The following AFF3 variants were observed in gnomAD, a reference collection of about 807,000 sequenced individuals.
The protein encoded by AFF3 is ALF transcription elongation factor 3, also known as AF4/FMR2 family member 3.
Under a neutral mutation model 129.7 loss-of-function variants are expected in AFF3, and 32 were observed. The observed-to-expected ratio is 0.25, with a 90% confidence interval of 0.19 to 0.33. AFF3 has a LOEUF of 0.33. Ranked by LOEUF, AFF3 falls within the 10% of genes least tolerant of loss-of-function variation. The probability of loss-of-function intolerance (pLI) is 1.00; values close to 1 mark genes in which losing one functional copy is unlikely to be tolerated. For missense variants in AFF3, 1,373 were observed against 1,592.0 expected, an observed-to-expected ratio of 0.86 and a Z score of 2.34; for synonymous variants, 644 against 635.4, an observed-to-expected ratio of 1.01 and a Z score of -0.20.
At chr2:99,948,472 A>G (rs1675842561) in intron 7 of AFF3, among the ~76,000 whole-genome samples, 1 of 152,144 alleles carries the variant, frequency 6.6e-6, no homozygotes, top group Admixed American at 6.5e-5. Context: ...TAGCATGAAT[A>G]ATTTTCTTTG....
intron 7 of AFF3, among the ~76,000 whole-genome samples, chr2:99,916,052 T>C (rs376758814): frequency 2.0e-5 from 3 of 152,308 alleles, no homozygotes; most frequent in African/African-American, 7.2e-5. Flanking sequence ...CTGAACTAGA[T>C]GGATCTTTTC....
intron 8 of AFF3, among the ~76,000 whole-genome samples, chr2:99,767,909 C>T (rs1429051411): frequency 6.6e-6 from 1 of 152,192 alleles, no homozygotes; most frequent in Non-Finnish European, 1.5e-5. Flanking sequence ...TGCGCCATTG[C>T]ACTCCTCGAG....
chr2:99,747,037 A>G (rs1186511777), intron 9 of AFF3, among the ~76,000 whole-genome samples: 1 of 151,564 alleles, frequency 6.6e-6, no homozygotes, highest in Non-Finnish European at 1.5e-5. Context: ...TTACTTATTT[A>G]TTTATTTAGA....
intron 8 of AFF3, among the ~76,000 whole-genome samples, chr2:99,759,385 T>G (rs1315092194): frequency 6.6e-6 from 1 of 152,212 alleles, no homozygotes; most frequent in Non-Finnish European, 1.5e-5. Flanking sequence ...CAAGAGCATT[T>G]GGATTTACTA....
intron 4 of AFF3, among the ~76,000 whole-genome samples, chr2:100,062,002 T>A (rs1168887092): frequency 1.3e-5 from 2 of 152,184 alleles, no homozygotes; most frequent in African/African-American, 4.8e-5. Context: ...TAGCTAAAAT[T>A]GCACTGGGAA....
intron 10 of AFF3, among the ~76,000 whole-genome samples, 173 bp downstream of exon 10, chr2:99,743,931 A>C (rs560515167): frequency 5.3e-5 from 8 of 152,206 alleles, no homozygotes; most frequent in African/African-American, 1.4e-4. Context: ...ACTTAAGGTC[A>C]TCATAAATCT....
rs559484732 is a variant in AFF3 at position 100,061,859 on chromosome 2, G to C, written c.53+42543C>G. Among the ~76,000 whole-genome samples the C allele has an allele frequency of 6.3e-3, 812 of 128,486 alleles. 37 individuals are homozygous for C. The highest frequency in any genetic ancestry group is 4.7e-3 in the East Asian group (23 of 4,912). The allele number at this position is 128,486 out of a possible 152,430, so 84.3% of individuals were successfully genotyped here. A position where few individuals can be genotyped will look rare whatever the true frequency, so the allele number is the denominator to read the frequency against. ...CAAAGAGATGGGTAGCACAGTGGAG[G>C]GGGGGGGGGTGCCGACTCTCAAGTC... On this transcript the variant is annotated intron_variant, in intron 4 of 24. Transcript: ENST00000672756.
At chr2:99,644,770 T>G (rs529389063) in intron 13 of AFF3, among the ~76,000 whole-genome samples, 1 of 152,366 alleles carries the variant, frequency 6.6e-6, no homozygotes, top group Non-Finnish European at 1.5e-5. Flanking sequence ...CTTCATATGC[T>G]GCACACATAT....
intron 7 of AFF3, among the ~76,000 whole-genome samples, chr2:99,920,360 T>C (rs1695772994): frequency 1.3e-5 from 2 of 151,902 alleles, no homozygotes; most frequent in South Asian, 4.1e-4. Flanking sequence ...TCAACTAGAG[T>C]TTATTTCAGG....
chr2:99,912,377 C>G (rs1576335470), intron 7 of AFF3, among the ~76,000 whole-genome samples: 1 of 152,266 alleles, frequency 6.6e-6, no homozygotes, highest in Non-Finnish European at 1.5e-5. Context: ...AGCCAAAAGT[C>G]ACACTTAGGG....
intron 7 of AFF3, among the ~76,000 whole-genome samples, chr2:99,977,590 A>T (rs1337801475): frequency 6.6e-6 from 1 of 152,242 alleles, no homozygotes; most frequent in Non-Finnish European, 1.5e-5. Context: ...CTTCCAAAAC[A>T]AACGTCTCTA....
intron 8 of AFF3, among the ~76,000 whole-genome samples, chr2:99,828,482 G>A (rs982078566): frequency 1.3e-5 from 2 of 152,282 alleles, no homozygotes; most frequent in Middle Eastern, 3.4e-3. Flanking sequence ...AGCAAGTCAG[G>A]AGCAGTGCAG....
chr2:99,873,158 G>A (rs1052515418), intron 7 of AFF3, among the ~76,000 whole-genome samples: 1 of 152,202 alleles, frequency 6.6e-6, no homozygotes, highest in East Asian at 1.9e-4. Flanking sequence ...TAGAGTATTA[G>A]AAAGCACATA....
chr2:100,125,319 G>C (rs1222549748), intron 2 of AFF3, among the ~76,000 whole-genome samples: 1 of 152,100 alleles, frequency 6.6e-6, no homozygotes, highest in Non-Finnish European at 1.5e-5. Context: ...ATATTATGGA[G>C]TCTGTAAATA....
chr2:99,816,237 A>G (rs1460805696), intron 8 of AFF3, among the ~76,000 whole-genome samples: 2 of 152,126 alleles, frequency 1.3e-5, no homozygotes, highest in Admixed American at 1.3e-4. Flanking sequence ...GACATGGCCT[A>G]TATAATCTTG....
chr2:100,083,664 CT>C (rs896899159), intron 4 of AFF3, among the ~76,000 whole-genome samples: 6 of 152,154 alleles, frequency 3.9e-5, no homozygotes, highest in African/African-American at 1.4e-4. Context: ...TCACGGCTGC[CT>C]TTGGGAGTCT....
chr2:100,023,469 T>C (rs1683764672), intron 4 of AFF3, among the ~76,000 whole-genome samples: 2 of 152,298 alleles, frequency 1.3e-5, no homozygotes, highest in South Asian at 2.1e-4. Flanking sequence ...AGAAAATTAC[T>C]AAACTTGAAG....
At chr2:99,960,895 G>A (rs568751832) in intron 7 of AFF3, among the ~76,000 whole-genome samples, 3 of 152,224 alleles carry the variant, frequency 2.0e-5, no homozygotes, top group East Asian at 1.9e-4. Context: ...CATGATGTGC[G>A]GCTCCTTCTG....
At chr2:100,127,807 G>C (rs1400858822) in intron 2 of AFF3, among the ~76,000 whole-genome samples, 1 of 152,170 alleles carries the variant, frequency 6.6e-6, no homozygotes, top group East Asian at 1.9e-4. Flanking sequence ...TCAGAGGCGT[G>C]TGAACCAGAG....
Sources: allele counts gnomAD v4.1 joint callset (sites outside exome capture counted in the v4.1 genomes callset), GRCh38; gene constraint gnomAD v4.1.1; transcripts MANE v1.5; gene names NCBI Gene and HGNC (gene_info 2026-07-23, HGNC 2026-07-21).